Variants in DNAH11 observed in about 807,000 individuals in gnomAD.
DNAH11 encodes the protein axonemal beta dynein heavy chain 11.
A neutral mutation model predicts 526.0 loss-of-function variants in DNAH11; 442 were observed. The ratio of observed to expected loss-of-function variants is 0.84; its 90% CI spans 0.78 to 0.91. The LOEUF (loss-of-function observed/expected upper bound fraction) is 0.91. Ranked by LOEUF, DNAH11 falls within the 40% of genes least tolerant of loss-of-function variation. DNAH11 has a pLI of 0.00. For missense variants in DNAH11, 6,989 were observed against 5,448.7 expected (o/e 1.28, Z -8.90); for synonymous variants, 2,461 against 1,935.9 (o/e 1.27, Z -7.12).
chr7:21,602,373 C>T (rs1785125452), intron 18 of DNAH11, among the ~76,000 whole-genome samples: 1 of 152,016 alleles, frequency 6.6e-6, no homozygotes, highest in Non-Finnish European at 1.5e-5. Context: ...ATAAATGAAA[C>T]TCAATTTGGA....
At chr7:21,881,825 T>TAACA (rs1783935176) in intron 75 of DNAH11, among the ~76,000 whole-genome samples, 1 of 152,226 alleles carries the variant, frequency 6.6e-6, no homozygotes, top group African/African-American at 2.4e-5. Flanking sequence ...CCTTGGTACC[T>TAACA]AACAGGCATA....
rs1784511847 is a variant in DNAH11 at position 21,712,860 on chromosome 7, T to C, written c.6983+1000T>C. ...AATTAAAAGTTAATTAACTTAGCACTGGAATGCCTTTGTCATTTTTACTTG... is the reference window on the plus strand; with the variant it reads ...AATTAAAAGTTAATTAACTTAGCACCGGAATGCCTTTGTCATTTTTACTTG... On this transcript the variant is annotated intron_variant, in intron 42 of 81. Transcript: ENST00000409508. Among the ~76,000 whole-genome samples, 4 of 152,248 alleles carry C rather than the reference T, an allele frequency of 2.6e-5. No homozygotes were observed. In the South Asian group the frequency reaches 8.3e-4, roughly 31 times the overall value.
intron 43 of DNAH11, among the ~76,000 whole-genome samples, chr7:21,720,244 A>G (rs73275618): frequency 0.012 from 1,898 of 152,344 alleles, 41 homozygotes; most frequent in African/African-American, 0.043. Flanking sequence ...TGAATGTCCA[A>G]CAAGAAGGAA....
chr7:21,867,407 A>T (rs186646127), intron 71 of DNAH11, among the ~76,000 whole-genome samples: 1 of 152,330 alleles, frequency 6.6e-6, no homozygotes, highest in East Asian at 1.9e-4. Context: ...GCTAAATCTG[A>T]TGCTGCTGGA....
At chr7:21,665,287 C>A (rs1405681007) in intron 30 of DNAH11, among the ~76,000 whole-genome samples, 1 of 151,992 alleles carries the variant, frequency 6.6e-6, no homozygotes, top group Admixed American at 6.6e-5. Context: ...ATTGCAAGAC[C>A]ACCTATTATT....
At position 21,842,743 on chromosome 7, in the gene DNAH11, CT is replaced by C. The variant is rs1445143145; in HGVS notation, c.10893del (p.Lys3632SerfsTer4). ...VSIERPDLEK[L>X]KLVLTKHQND... Reference sequence around the variant, plus strand: ...TATTGAAAGGCCAGATTTGGAGAAACTTAAGGTAAAAATGTTTACGTCACCA... The same window carrying C: ...TATTGAAAGGCCAGATTTGGAGAAACTAAGGTAAAAATGTTTACGTCACCA... On this transcript the variant is annotated frameshift_variant, in exon 66 of 82. Transcript: ENST00000409508. LOFTEE classifies it high-confidence loss of function. 6 of 1,606,802 alleles carry C rather than the reference CT, an allele frequency of 3.7e-6. No individual in the cohort carries two copies. Among genetic ancestry groups the C allele is most frequent in the Non-Finnish European group, 5.1e-6 (6 of 1,176,468 alleles).
At chr7:21,866,397 A>G in intron 70 of DNAH11, 73 bp from the exon 71 acceptor site, 3 of 1,421,172 alleles carry the variant, frequency 2.1e-6, no homozygotes, top group Middle Eastern at 1.9e-4. Flanking sequence ...GATTAGATAC[A>G]TTCACAAGTC....
intron 50 of DNAH11, 104 bp from the exon 51 acceptor site, chr7:21,744,766 C>G: frequency 2.8e-6 from 4 of 1,428,620 alleles, no homozygotes; most frequent in Non-Finnish European, 3.8e-6. Flanking sequence ...ACCCACCTAC[C>G]CATGTGTGGG....
intron 57 of DNAH11, among the ~76,000 whole-genome samples, chr7:21,781,367 C>T (rs1021721894): frequency 1.3e-5 from 2 of 152,138 alleles, no homozygotes; most frequent in Non-Finnish European, 1.5e-5. Flanking sequence ...TAATCAAGGG[C>T]GATTTGAACC....
At chr7:21,844,720 A>C (rs928047333) in intron 66 of DNAH11, among the ~76,000 whole-genome samples, 5 of 152,076 alleles carry the variant, frequency 3.3e-5, no homozygotes, top group Admixed American at 2.0e-4. Context: ...TAAATGAGAA[A>C]CTCTGGTTGG....
At chr7:21,858,322 T>A (rs1782932325) in intron 68 of DNAH11, among the ~76,000 whole-genome samples, 1 of 152,204 alleles carries the variant, frequency 6.6e-6, no homozygotes, top group Non-Finnish European at 1.5e-5. Context: ...CAGTTTCTTG[T>A]AAAGATAAAT....
At position 21,610,515 on chromosome 7, in the gene DNAH11, A is replaced by G. The variant is rs548640010; in HGVS notation, c.3852+3782A>G. Among the ~76,000 whole-genome samples the G allele has an allele frequency of 9.8e-5, 15 of 152,334 alleles. No individual in the cohort carries two copies. In the South Asian group the frequency reaches 1.7e-3, roughly 17 times the overall value. ...TCAAATATGAGTACACAATAAAACAATGAACACACCATTACGCATAAGAGT... is the reference window on the plus strand; with the variant it reads ...TCAAATATGAGTACACAATAAAACAGTGAACACACCATTACGCATAAGAGT... On this transcript the variant is annotated intron_variant, in intron 20 of 81. Transcript: ENST00000409508.
intron 65 of DNAH11, among the ~76,000 whole-genome samples, chr7:21,840,710 C>T (rs976608609): frequency 5.9e-5 from 9 of 151,928 alleles, no homozygotes; most frequent in East Asian, 1.9e-4. Flanking sequence ...ATGATTACTA[C>T]GTACCCTTAA....
At chr7:21,755,355 C>G (rs569438481) in intron 54 of DNAH11, among the ~76,000 whole-genome samples, 72 of 152,268 alleles carry the variant, frequency 4.7e-4, no homozygotes, top group African/African-American at 1.7e-3. Flanking sequence ...ACTTTCATCT[C>G]CTCTCCAGTG....
chr7:21,895,109 T>G, intron 79 of DNAH11, 110 bp downstream of exon 79: 1 of 888,572 alleles, frequency 1.1e-6, no homozygotes, highest in Admixed American at 2.5e-5. Flanking sequence ...GTGACTGTTC[T>G]CAACCTGTAA....
intron 30 of DNAH11, among the ~76,000 whole-genome samples, chr7:21,664,865 C>T (rs948235927): frequency 2.6e-5 from 4 of 152,080 alleles, no homozygotes; most frequent in African/African-American, 4.8e-5. Flanking sequence ...ACATCTCAGT[C>T]CCAACTTTCT....
At chr7:21,792,037 C>T (rs763030422) in intron 61 of DNAH11, among the ~76,000 whole-genome samples, 106 of 152,154 alleles carry the variant, frequency 7.0e-4, no homozygotes, top group Non-Finnish European at 1.9e-4. Flanking sequence ...AGGCATCTTA[C>T]ATGGCAGAAG....
chr7:21,719,280 G>C (rs1239340535), intron 43 of DNAH11, among the ~76,000 whole-genome samples: 2 of 152,216 alleles, frequency 1.3e-5, no homozygotes, highest in African/African-American at 2.4e-5. Context: ...ATAGTGACCT[G>C]AAATGGCTAT....
chr7:21,828,182 C>G (rs1790390019), intron 65 of DNAH11, among the ~76,000 whole-genome samples: 1 of 152,158 alleles, frequency 6.6e-6, no homozygotes, highest in East Asian at 1.9e-4. Context: ...CTCCTGACCT[C>G]AGGTGATCCA....
Sources: allele counts gnomAD v4.1 joint callset (sites outside exome capture counted in the v4.1 genomes callset), GRCh38; gene constraint gnomAD v4.1.1; transcripts MANE v1.5; gene names NCBI Gene and HGNC (gene_info 2026-07-23, HGNC 2026-07-21).